The following PTPRD variants were observed in gnomAD, a reference collection of about 807,000 sequenced individuals.
The protein encoded by PTPRD is protein tyrosine phosphatase receptor type D, also known as receptor-type tyrosine-protein phosphatase delta.
In PTPRD, 34 loss-of-function variants were observed where a neutral mutation model predicts 214.5. The ratio of observed to expected loss-of-function variants is 0.16; its 90% CI spans 0.12 to 0.21. The LOEUF (loss-of-function observed/expected upper bound fraction) is 0.21. Among genes scored for constraint, PTPRD ranks in the 10% least tolerant of loss-of-function variants. The pLI is 1.00. For synonymous variants in PTPRD, 1,128 were observed against 845.7 expected, an observed-to-expected ratio of 1.33 and a Z score of -5.79; for missense variants, 2,545 against 2,398.7, an observed-to-expected ratio of 1.06 and a Z score of -1.27.
At chr9:9,093,402 A>T (rs1368792494) in intron 10 of PTPRD, among the ~76,000 whole-genome samples, 3 of 152,044 alleles carry the variant, frequency 2.0e-5, no homozygotes, top group Admixed American at 6.6e-5. Context: ...AATGCCCAAG[A>T]AATATTCACC....
intron 10 of PTPRD, among the ~76,000 whole-genome samples, chr9:9,035,072 G>A (rs543163617): frequency 6.6e-6 from 1 of 152,134 alleles, no homozygotes; most frequent in East Asian, 1.9e-4. Context: ...TTTGGAGTGT[G>A]GGATTGGATT....
intron 2 of PTPRD, among the ~76,000 whole-genome samples, chr9:10,481,844 A>C (rs1018456123): frequency 1.3e-5 from 2 of 152,206 alleles, no homozygotes; most frequent in African/African-American, 4.8e-5. Context: ...CTCATCTTTT[A>C]AGAGAGGTAG....
intron 7 of PTPRD, among the ~76,000 whole-genome samples, chr9:9,699,785 A>C (rs2097456237): frequency 6.6e-6 from 1 of 152,214 alleles, no homozygotes; most frequent in Admixed American, 6.5e-5. Context: ...GAAGCCATGA[A>C]GTACAGGTGA....
In PTPRD at chr9:10,300,179, C is replaced by T. The variant is rs145345447; in HGVS notation, c.-545+40784G>A. ...AACAACAACAAAAAAGTAAAATTCA[C>T]GTAGTATAGTTTATAGTTAAAATTC... On this transcript the variant is annotated intron_variant, in intron 3 of 45. Coordinates refer to ENST00000381196, the MANE Select transcript of PTPRD (RefSeq NM_002839.4). 1.8e-3 allele frequency among the ~76,000 whole-genome samples: 280 copies of T among 152,196 alleles called. 5 individuals carry two copies. Among genetic ancestry groups the T allele is most frequent in the African/African-American group, 6.1e-3 (255 of 41,518 alleles).
At chr9:10,280,303 C>T (rs115592461) in intron 3 of PTPRD, among the ~76,000 whole-genome samples, 5,687 of 151,828 alleles carry the variant, frequency 0.037, 375 homozygotes, top group African/African-American at 0.13. Flanking sequence ...CTCAGAAACA[C>T]AGTTGACAGG....
At chr9:8,616,190 T>A (rs1444471136) in intron 14 of PTPRD, among the ~76,000 whole-genome samples, 5 of 152,132 alleles carry the variant, frequency 3.3e-5, no homozygotes, top group Non-Finnish European at 5.9e-5. Flanking sequence ...CTTTTTTAGG[T>A]ACTGGACCAT....
intron 7 of PTPRD, among the ~76,000 whole-genome samples, chr9:9,646,667 T>A (rs528675237): frequency 6.6e-6 from 1 of 152,274 alleles, no homozygotes; most frequent in South Asian, 2.1e-4. Flanking sequence ...GTCCCTCTCT[T>A]ATCCACAGGG....
At chr9:9,524,618 A>G (rs1242479779) in intron 8 of PTPRD, among the ~76,000 whole-genome samples, 1 of 152,158 alleles carries the variant, frequency 6.6e-6, no homozygotes, top group Non-Finnish European at 1.5e-5. Context: ...ATTCCTAGAA[A>G]CCAAACACCA....
chr9:9,185,964 G>A (rs1445872275), intron 9 of PTPRD, among the ~76,000 whole-genome samples: 1 of 151,332 alleles, frequency 6.6e-6, no homozygotes, highest in Non-Finnish European at 1.5e-5. Flanking sequence ...TGGTAGAGGA[G>A]ACAACAAAAA....
intron 39 of PTPRD, among the ~76,000 whole-genome samples, chr9:8,359,205 C>T (rs1031945868): frequency 6.7e-6 from 1 of 149,854 alleles, no homozygotes. Flanking sequence ...TCTCAAAGTG[C>T]GGCCCCATGA....
chr9:8,493,033 G>A (rs2097182822), intron 26 of PTPRD, 54 bp from the exon 27 acceptor site: 20 of 1,458,180 alleles, frequency 1.4e-5, no homozygotes, highest in Non-Finnish European at 1.9e-5. Flanking sequence ...TAATGCTCTG[G>A]GGGAAAAACA....
intron 27 of PTPRD, among the ~76,000 whole-genome samples, chr9:8,488,952 T>G (rs2097093559): frequency 6.6e-6 from 1 of 152,202 alleles, no homozygotes; most frequent in Admixed American, 6.5e-5. Context: ...TTTTTTGAAA[T>G]TCTAGTTCCA....
intron 5 of PTPRD, among the ~76,000 whole-genome samples, chr9:9,832,452 A>C (rs375759404): frequency 4.6e-5 from 7 of 152,084 alleles, no homozygotes; most frequent in African/African-American, 1.7e-4. Flanking sequence ...ATAGTCATTT[A>C]CTGTTCCATG....
chr9:8,982,658 T>C (rs763408557), intron 11 of PTPRD, among the ~76,000 whole-genome samples: 10 of 152,004 alleles, frequency 6.6e-5, no homozygotes, highest in Non-Finnish European at 1.5e-4. Context: ...GATAAAGGGT[T>C]TCTAAAATAC....
At chr9:9,894,662 T>A (rs1417178924) in intron 5 of PTPRD, among the ~76,000 whole-genome samples, 1 of 152,094 alleles carries the variant, frequency 6.6e-6, no homozygotes, top group Non-Finnish European at 1.5e-5. Context: ...AGAACTTTCA[T>A]AACAGTTACC....
intron 8 of PTPRD, among the ~76,000 whole-genome samples, chr9:9,428,177 G>A (rs1343032450): frequency 2.0e-5 from 3 of 152,124 alleles, no homozygotes; most frequent in Non-Finnish European, 2.9e-5. Flanking sequence ...CATCTCACGT[G>A]CAGAGACACA....
chr9:10,510,923 A>T (rs1003702719), intron 2 of PTPRD, among the ~76,000 whole-genome samples: 8 of 152,070 alleles, frequency 5.3e-5, no homozygotes, highest in Non-Finnish European at 7.4e-5. Context: ...GAATACTTTT[A>T]GTTCCCACAT....
chr9:9,600,712 T>C (rs2093682854), intron 7 of PTPRD, among the ~76,000 whole-genome samples: 1 of 152,084 alleles, frequency 6.6e-6, no homozygotes, highest in African/African-American at 2.4e-5. Context: ...AAGCTATGGG[T>C]AGTATTGAAT....
chr9:9,901,168 T>A (rs78822102), intron 5 of PTPRD, among the ~76,000 whole-genome samples: 4,568 of 152,266 alleles, frequency 0.03, 239 homozygotes, highest in African/African-American at 0.1. Flanking sequence ...GATTTTCTGA[T>A]ATAACCATCC....
Sources: allele counts gnomAD v4.1 joint callset (sites outside exome capture counted in the v4.1 genomes callset), GRCh38; gene constraint gnomAD v4.1.1; transcripts MANE v1.5; gene names NCBI Gene and HGNC (gene_info 2026-07-23, HGNC 2026-07-21).